The following APC2 variants were observed in gnomAD, a reference collection of about 807,000 sequenced individuals.
APC2 encodes the protein adenomatous polyposis coli protein 2.
APC2 carries 41 observed loss-of-function variants against 72.5 expected under a neutral mutation model. The ratio of observed to expected loss-of-function variants is 0.57; its 90% CI spans 0.44 to 0.73. The LOEUF is 0.73. Ranked by LOEUF, APC2 falls within the 30% of genes least tolerant of loss-of-function variation. APC2 has a pLI of 0.00. For missense variants in APC2, 3,729 were observed against 3,403.4 expected, an observed-to-expected ratio of 1.10 and a Z score of -2.38; for synonymous variants, 1,898 against 1,612.0, an observed-to-expected ratio of 1.18 and a Z score of -4.25.
In APC2 at chr19:1,467,633, G is replaced by A; in HGVS notation, c.4332G>A (p.Lys1444=). 1 of 1,485,822 alleles carries A rather than the reference G, an allele frequency of 6.7e-7. No homozygotes were observed. The highest frequency in any genetic ancestry group is 1.5e-5 in the African/African-American group (1 of 68,524). 92.0% of individuals were successfully genotyped at this position (1,485,822 alleles called of 1,614,324 possible). The change falls in exon 15 of 15, where the codon AAG becomes AAA. Residue 1444 remains lysine, a synonymous_variant. Transcript: ENST00000590469. The part of the protein sequence containing the change: ...SARQAMGHRH[K]AGGAGRSAEQ... ...GACAGGCCATGGGGCACCGGCACAA[G>A]GCGGGAGGCGCCGGCCGCAGCGCGG...
rs1471911525 is a variant in APC2 at position 1,467,560 on chromosome 19, G to A, written c.4259G>A (p.Gly1420Glu). 6.6e-7 allele frequency: 1 copy of A among 1,510,214 alleles called. No homozygotes were observed. Among genetic ancestry groups the A allele is most frequent in the South Asian group, 1.2e-5 (1 of 80,632 alleles). The allele number at this position is 1,510,214 out of a possible 1,614,324, so 93.6% of individuals were successfully genotyped here. A position where few individuals can be genotyped will look rare whatever the true frequency, so the allele number is the denominator to read the frequency against. ...TLQGPPRDQP[G>E]GPAGRQRPTG... ...CAGGGACCCCCCAGGGACCAGCCCG[G>A]GGGACCAGCGGGCAGGCAAAGACCC... is the stretch of plus-strand genomic sequence containing the variant. Residue 1420 changes from glycine (G) to glutamate (E), a missense_variant, in exon 15 of 15, where the codon GGG (glycine) becomes GAG (glutamate). Gly to Glu is a moderately conservative substitution (Grantham distance 98). Coordinates refer to ENST00000590469, the MANE Select transcript of APC2 (RefSeq NM_005883.3).
chr19:1,459,002 C>T (rs940405345), intron 10 of APC2, among the ~76,000 whole-genome samples: 3 of 151,632 alleles, frequency 2.0e-5, no homozygotes, highest in Admixed American at 1.3e-4. Flanking sequence ...TCTTCAAACT[C>T]TGTCCCGGTG....
Position 1,465,988 on chromosome 19 carries a change from G to A in APC2, c.2687G>A (p.Arg896His), listed in dbSNP as rs942538186. 2 of 1,520,192 alleles carry A rather than the reference G, an allele frequency of 1.3e-6. No homozygotes were observed. The highest frequency in any genetic ancestry group is 1.7e-6 in the Non-Finnish European group (2 of 1,143,258). 94.2% of individuals were successfully genotyped at this position (1,520,192 alleles called of 1,614,324 possible). A position where few individuals can be genotyped will look rare whatever the true frequency, so the allele number is the denominator to read the frequency against. ...CGCGCCCAGTCCTGCTCGCCATGCC[G>A]CGGCCCGGAGGGCGGGCGGCGAGAG... The part of the protein sequence containing the change: ...EGRAQSCSPC[R>H]GPEGGRREAG... Residue 896 changes from arginine to histidine, a missense_variant, in exon 15 of 15, where the codon CGC becomes CAC. Coordinates refer to ENST00000590469, the MANE Select transcript of APC2 (RefSeq NM_005883.3).
At position 1,468,280 on chromosome 19, in the gene APC2, G is replaced by A. The variant is rs774241048; in HGVS notation, c.4979G>A (p.Arg1660Gln). ...CCCCGAGCCACCCGGCTGGATGAGC[G>A]GCCCGCAGAGGGGTCCCGGGAACGC... ...RKPRATRLDE[R>Q]PAEGSRERGE... The change falls in exon 15 of 15, where the codon CGG (arginine) becomes CAG (glutamine). Residue 1660 changes from arginine to glutamine, a missense_variant. By Grantham distance (43) the Arg-to-Gln change is conservative (BLOSUM62 1). Transcript: ENST00000590469. 27 of 1,533,206 alleles carry A rather than the reference G, an allele frequency of 1.8e-5. No homozygotes were observed. The East Asian group carries it at 5.0e-4, about 29-fold the overall frequency. 95.0% of individuals were successfully genotyped at this position (1,533,206 alleles called of 1,614,324 possible).
At chr19:1,447,352 T>TC (rs1230106659), upstream of APC2, among the ~76,000 whole-genome samples, 2 of 152,120 alleles carry the variant, frequency 1.3e-5, no homozygotes, top group East Asian at 3.9e-4. Context: ...TCAAAGACAC[T>TC]CCAAGAGTGA....
chr19:1,458,112 G>A (rs1029945125), intron 10 of APC2, 52 bp downstream of exon 10: 1 of 1,498,670 alleles, frequency 6.7e-7, no homozygotes, highest in Non-Finnish European at 9.1e-7. Flanking sequence ...CGAACAGGTG[G>A]TGGCTCCTCG....
At chr19:1,457,839 C>A in intron 9 of APC2, 126 bp from the exon 10 acceptor site, 1 of 777,706 alleles carries the variant, frequency 1.3e-6, no homozygotes, top group Non-Finnish European at 2.1e-6. Flanking sequence ...GAAGTCCCAA[C>A]TTTGCAGCCA....
Position 1,461,958 on chromosome 19 carries a change from T to C in APC2, c.1639-5T>C. The stretch of plus-strand genomic sequence containing the variant: ...TGACCCGCCCCTCTCCCGCCCCTCG[T>C]CCAGGAGTCCACCCTGAAGAGCGTG... On this transcript the variant is annotated splice_region_variant and splice_polypyrimidine_tract_variant and intron_variant, in intron 13 of 14. Transcript: ENST00000590469. 6.3e-7 allele frequency: 1 copy of C among 1,589,736 alleles called. No homozygotes were observed. Among genetic ancestry groups the C allele is most frequent in the South Asian group, 1.1e-5 (1 of 90,500 alleles).
chr19:1,458,081 G>T, intron 10 of APC2, 21 bp downstream of exon 10: 1 of 1,550,968 alleles, frequency 6.4e-7, no homozygotes, highest in Non-Finnish European at 8.7e-7. Flanking sequence ...CAGGTCCTCT[G>T]GGAAGCCATC....
chr19:1,457,236 C>G lies in APC2; in HGVS notation c.1200C>G (p.Ala400=), dbSNP rs1314800831. 6.5e-7 allele frequency: 1 copy of G among 1,528,522 alleles called. No individual in the cohort carries two copies. Among genetic ancestry groups the G allele is most frequent in the Non-Finnish European group, 8.8e-7 (1 of 1,141,742 alleles). 94.7% of individuals were successfully genotyped at this position (1,528,522 alleles called of 1,614,324 possible). Residue 400 remains alanine (A), a synonymous_variant, in exon 9 of 15, where the codon GCC becomes GCG. Transcript: ENST00000590469. ...ARDGGPEGGG[A]GSAPIPIEPQ... ...ACGGCGGGCCCGAGGGAGGTGGCGCCGGCAGCGGTGAGTGCCTGGCCTGGT... is the reference window on the plus strand; with the variant it reads ...ACGGCGGGCCCGAGGGAGGTGGCGCGGGCAGCGGTGAGTGCCTGGCCTGGT...
upstream of APC2, among the ~76,000 whole-genome samples, chr19:1,446,994 A>G (rs1423644961): frequency 6.6e-6 from 1 of 151,988 alleles, no homozygotes. The surrounding 1 kb of genome is among the most constrained non-coding windows in gnomAD (Gnocchi z 6.1). Context: ...AGGCGCCCGC[A>G]AGAGAACGCG....
chr19:1,465,362 C>T lies in APC2; in HGVS notation c.2061C>T (p.Ser687=). Residue 687 remains serine (S), a synonymous_variant, in exon 15 of 15, where the codon AGC becomes AGT. Transcript: ENST00000590469. ...AGCACAAGATGATCGCCATGGGCAG[C>T]GCCGCCGCCCTGCGCAACCTGCTGG... is the stretch of plus-strand genomic sequence containing the variant. ...HSKHKMIAMG[S]AAALRNLLAH... 1 of 1,582,490 alleles carries T rather than the reference C, an allele frequency of 6.3e-7. No homozygotes were observed. The highest frequency in any genetic ancestry group is 8.5e-7 in the Non-Finnish European group (1 of 1,172,190).
chr19:1,472,709 C>G lies in APC2; in HGVS notation c.*2496C>G. On this transcript the variant is annotated 3_prime_UTR_variant, in exon 15 of 15. Transcript: ENST00000590469. Reference sequence around the variant, plus strand: ...TCTCCAGAAGGGGACAGGCAGTCCGCGGTCTCTGGACAATCAACTCAAGGT... The same window carrying G: ...TCTCCAGAAGGGGACAGGCAGTCCGGGGTCTCTGGACAATCAACTCAAGGT... 6.6e-6 allele frequency: 1 copy of G among 152,358 alleles called. No individual in the cohort carries two copies. Among genetic ancestry groups the G allele is most frequent in the South Asian group, 2.1e-4 (1 of 4,830 alleles). The allele number at this position is 152,358 out of a possible 1,614,324, so 9.4% of individuals were successfully genotyped here.
intron 14 of APC2, among the ~76,000 whole-genome samples, chr19:1,463,488 CAGG>C (rs1385129076): frequency 6.8e-6 from 1 of 147,420 alleles, no homozygotes; most frequent in African/African-American, 2.5e-5. Flanking sequence ...GAGGCTGAGG[CAGG>C]AGAATTGCTT....
At chr19:1,464,824 G>A (rs1385114317) in intron 14 of APC2, among the ~76,000 whole-genome samples, 2 of 151,030 alleles carry the variant, frequency 1.3e-5, no homozygotes, top group African/African-American at 2.4e-5. Context: ...AGAGAGAGAG[G>A]GTTTCACCAT....
At position 1,467,846 on chromosome 19, in the gene APC2, C is replaced by A. The variant is rs751168175; in HGVS notation, c.4545C>A (p.Asp1515Glu). Residue 1515 changes from aspartate (D) to glutamate (E), a missense_variant, in exon 15 of 15, where the codon GAC becomes GAA. Coordinates refer to ENST00000590469, the MANE Select transcript of APC2 (RefSeq NM_005883.3). ...ACTGCTTCTACGGCAACGACTCGGA[C>A]GAGGAGCCCCCGGCGGCCGCGCCCA... ...AVYCFYGNDSDEEPPAAAPTP... is the reference protein window; with the variant it reads ...AVYCFYGNDSEEEPPAAAPTP... 6.5e-7 allele frequency: 1 copy of A among 1,536,446 alleles called. No individual in the cohort carries two copies. Among genetic ancestry groups the A allele is most frequent in the Non-Finnish European group, 8.7e-7 (1 of 1,149,704 alleles).
In APC2 at chr19:1,462,070, G is replaced by T; in HGVS notation, c.1746G>T (p.Val582=). The T allele has an allele frequency of 6.2e-7, 1 of 1,613,082 alleles. No individual in the cohort carries two copies. The highest frequency in any genetic ancestry group is 1.1e-5 in the South Asian group (1 of 91,080). The change falls in exon 14 of 15, where the codon GTG becomes GTT. Residue 582 remains valine, a synonymous_variant. Coordinates refer to ENST00000590469, the MANE Select transcript of APC2 (RefSeq NM_005883.3). ...CQVDGALGFL[V]STLTYKCQSN... is the part of the protein sequence containing the mutation. Reference sequence around the variant, plus strand: ...TGGATGGCGCCCTGGGCTTCCTGGTGAGCACCCTGACCTACAAGTGTCAGA... The same window carrying T: ...TGGATGGCGCCCTGGGCTTCCTGGTTAGCACCCTGACCTACAAGTGTCAGA...
chr19:1,457,893 T>TGTGGGGGG, intron 9 of APC2, 72 bp from the exon 10 acceptor site: 1 of 1,172,166 alleles, frequency 8.5e-7, no homozygotes, highest in Non-Finnish European at 1.1e-6. Context: ...GCGGGCGGGT[T>TGTGGGGGG]GCGGGACCTT....
upstream of APC2, among the ~76,000 whole-genome samples, chr19:1,449,359 T>A (rs534992763): frequency 6.6e-6 from 1 of 152,214 alleles, no homozygotes; most frequent in East Asian, 1.9e-4. Flanking sequence ...CAGGGACTCA[T>A]GGAGCATCCA....
Sources: allele counts gnomAD v4.1 joint callset (sites outside exome capture counted in the v4.1 genomes callset), GRCh38; gene constraint gnomAD v4.1.1; non-coding constraint Gnocchi (gnomAD v3.1); transcripts MANE v1.5; gene names NCBI Gene and HGNC (gene_info 2026-07-23, HGNC 2026-07-21).